The following DPPA3 variants were observed in gnomAD, a reference collection of about 807,000 sequenced individuals.
DPPA3 encodes developmental pluripotency-associated protein 3.
In DPPA3, 9 loss-of-function variants were observed where a neutral mutation model predicts 15.6. That is an observed-to-expected ratio of 0.58 (90% CI 0.35 to 1.01). The LOEUF (loss-of-function observed/expected upper bound fraction) is 1.01, where lower values mean the gene tolerates loss of function less well. Among genes scored for constraint, DPPA3 ranks in the 50% least tolerant of loss-of-function variants. The pLI is 0.02. For missense variants in DPPA3, 148 were observed against 194.6 expected, an observed-to-expected ratio of 0.76 and a Z score of 1.42; for synonymous variants, 61 against 70.9, an observed-to-expected ratio of 0.86 and a Z score of 0.70.
chr12:7,713,575 C>A (rs908466070), intron 1 of DPPA3, among the ~76,000 whole-genome samples: 1 of 152,096 alleles, frequency 6.6e-6, no homozygotes, highest in Non-Finnish European at 1.5e-5. Flanking sequence ...GTATGGGATA[C>A]GCCTCACAGT....
At chr12:7,713,714 G>T (rs776168117) in intron 1 of DPPA3, among the ~76,000 whole-genome samples, 54 of 152,154 alleles carry the variant, frequency 3.5e-4, no homozygotes, top group Non-Finnish European at 6.3e-4. Context: ...CACTTACTTC[G>T]ACTGCCCAGT....
intron 1 of DPPA3, among the ~76,000 whole-genome samples, chr12:7,713,312 GCT>G (rs1258210311): frequency 1.3e-5 from 2 of 152,206 alleles, no homozygotes; most frequent in Non-Finnish European, 2.9e-5. Flanking sequence ...AAGAAAGAAT[GCT>G]GGTCTATATA....
chr12:7,714,858 G>A (rs1181362445), intron 1 of DPPA3, among the ~76,000 whole-genome samples: 7 of 151,500 alleles, frequency 4.6e-5, no homozygotes, highest in African/African-American at 1.7e-4. Context: ...GACTACAGGC[G>A]CCCGCCACAA....
At chr12:7,714,521 C>CTT (rs143222548) in intron 1 of DPPA3, among the ~76,000 whole-genome samples, 2 of 149,962 alleles carry the variant, frequency 1.3e-5, no homozygotes, top group African/African-American at 2.5e-5. Flanking sequence ...CTTGACTTTC[C>CTT]TTTTTTTTTG....
At chr12:7,716,289 T>TA in intron 3 of DPPA3, 50 bp downstream of exon 3, 1 of 1,327,100 alleles carries the variant, frequency 7.5e-7, no homozygotes, top group Non-Finnish European at 1.0e-6. Context: ...TTTGGCTATA[T>TA]ATGTGGATGG....
chr12:7,712,745 CTATTTTTATTTT>C (rs142367308), intron 1 of DPPA3, among the ~76,000 whole-genome samples: 27 of 151,892 alleles, frequency 1.8e-4, no homozygotes, highest in East Asian at 1.7e-3. Context: ...CGCGCCCGTC[CTATTTTTATTTT>C]TATTTTTATT....
In DPPA3 at chr12:7,717,287, T is replaced by C; in HGVS notation, c.*210T>C. The C allele has an allele frequency of 8.1e-6, 4 of 495,208 alleles. No individual in the cohort carries two copies. Among genetic ancestry groups the C allele is most frequent in the Non-Finnish European group, 1.1e-5 (3 of 278,922 alleles). 30.7% of individuals were successfully genotyped at this position (495,208 alleles called of 1,614,324 possible). ...TATTTGAATAACTTTAGCTCTACTG[T>C]TTGATTTGACCCAAAGAAGCCAAGA... On this transcript the variant is annotated 3_prime_UTR_variant, in exon 4 of 4. Transcript: ENST00000345088.
At chr12:7,714,765 T>C (rs1444734583) in intron 1 of DPPA3, among the ~76,000 whole-genome samples, 1 of 152,000 alleles carries the variant, frequency 6.6e-6, no homozygotes, top group Non-Finnish European at 1.5e-5. Flanking sequence ...CAGACTAGAG[T>C]GCAGTGGCGC....
chr12:7,713,965 A>G lies in DPPA3; in HGVS notation c.83-1218A>G, dbSNP rs747439443. Among the ~76,000 whole-genome samples the G allele has an allele frequency of 1.2e-4, 18 of 152,308 alleles. No homozygotes were observed. The East Asian group carries it at 2.5e-3, about 21-fold the overall frequency. On this transcript the variant is annotated intron_variant, in intron 1 of 3. Coordinates refer to ENST00000345088, the MANE Select transcript of DPPA3 (RefSeq NM_199286.4). ...GAGGTAGAGGCTGCAATGAGCCATGATAGTGCCACTGCACTCCAGCCTGGG... is the reference window on the plus strand; with the variant it reads ...GAGGTAGAGGCTGCAATGAGCCATGGTAGTGCCACTGCACTCCAGCCTGGG...
chr12:7,716,873 C>T, intron 3 of DPPA3, 94 bp from the exon 4 acceptor site: 1 of 1,199,872 alleles, frequency 8.3e-7, no homozygotes, highest in Non-Finnish European at 1.2e-6. Context: ...CCTGTTCCAA[C>T]ACTTACCAAA....
At chr12:7,715,542 T>C in intron 2 of DPPA3, 115 bp downstream of exon 2, 1 of 1,507,614 alleles carries the variant, frequency 6.6e-7, no homozygotes, top group Non-Finnish European at 9.0e-7. Context: ...AGGCCTGTAA[T>C]CTGAGCACTT....
chr12:7,713,907 G>C (rs1187443236), intron 1 of DPPA3, among the ~76,000 whole-genome samples: 1 of 152,194 alleles, frequency 6.6e-6, no homozygotes, highest in Non-Finnish European at 1.5e-5. Context: ...CAGCTACTCT[G>C]GACGCTGAGG....
At chr12:7,716,325 G>A (rs545582138) in intron 3 of DPPA3, 86 bp downstream of exon 3, 2 of 1,079,740 alleles carry the variant, frequency 1.9e-6, no homozygotes, top group Non-Finnish European at 2.7e-6. Context: ...CCTTTTGCCG[G>A]AATAGGGAAT....
intron 2 of DPPA3, 52 bp downstream of exon 2, chr12:7,715,479 ATAAAT>A: frequency 6.2e-7 from 1 of 1,612,282 alleles, no homozygotes; most frequent in Non-Finnish European, 8.5e-7. Flanking sequence ...AGTGACACTC[ATAAAT>A]TAAGACCTAA....
chr12:7,713,327 C>T (rs1277629162), intron 1 of DPPA3, among the ~76,000 whole-genome samples: 1 of 152,202 alleles, frequency 6.6e-6, no homozygotes, highest in Non-Finnish European at 1.5e-5. Flanking sequence ...TCTATATATC[C>T]GAGTGGGAAA....
rs1864385683 is a variant in DPPA3 at position 7,715,272 on chromosome 12, G to T, written c.172G>T (p.Glu58Ter). The T allele has an allele frequency of 6.2e-7, 1 of 1,613,780 alleles. No homozygotes were observed. Among genetic ancestry groups the T allele is most frequent in the Admixed American group, 1.7e-5 (1 of 59,976 alleles). ...TAGCGAATCTGTTTCCCCTCTATCG[G>T]AAGCTTTACTCCGTCGAGAGTCTGT... is the stretch of plus-strand genomic sequence containing the variant. Reference protein sequence around the residue: ...ASSESVSPLSEALLRRESVGA... With the variant: ...ASSESVSPLS Residue 58 changes from glutamate to a stop codon, truncating the protein, a stop_gained, in exon 2 of 4, where the codon GAA becomes TAA. Transcript: ENST00000345088. LOFTEE classifies it high-confidence loss of function.
At chr12:7,716,822 T>C (rs2136894666) in intron 3 of DPPA3, 145 bp from the exon 4 acceptor site, 1 of 711,018 alleles carries the variant, frequency 1.4e-6, no homozygotes, top group East Asian at 2.6e-5. Flanking sequence ...TCTCCTAAAA[T>C]GTTTTGCTTT....
At chr12:7,712,584 T>C (rs79219545) in intron 1 of DPPA3, among the ~76,000 whole-genome samples, 1 of 152,040 alleles carries the variant, frequency 6.6e-6, no homozygotes, top group South Asian at 2.1e-4. Context: ...AGTAGCTGGA[T>C]TACAGGCATG....
chr12:7,711,733 T>A lies in DPPA3; in HGVS notation c.82+81T>A. The A allele has an allele frequency of 7.5e-5, 49 of 652,374 alleles. 1 individual carries two copies. Among genetic ancestry groups the A allele is most frequent in the Non-Finnish European group, 8.2e-5 (38 of 463,004 alleles). The allele number at this position is 652,374 out of a possible 1,614,324, so 40.4% of individuals were successfully genotyped here. A position where few individuals can be genotyped will look rare whatever the true frequency, so the allele number is the denominator to read the frequency against. On this transcript the variant is annotated intron_variant, in intron 1 of 3. Transcript: ENST00000345088. ...AAAGGCTGCCGTCTTTTTTTTTTTT[T>A]TTTTTTTTTTTTTTTTAATGTTGAC...
Sources: gnomAD v4.1 joint callset for allele counts (sites outside exome capture counted in the v4.1 genomes callset) on GRCh38, gnomAD v4.1.1 for gene constraint, MANE v1.5 for transcripts, NCBI Gene and HGNC (gene_info 2026-07-23, HGNC 2026-07-21) for gene names.